CDH18: variants seen among roughly 807,000 people sequenced by gnomAD.
CDH18 encodes the protein cadherin-18.
In CDH18, 31 loss-of-function variants were observed where a neutral mutation model predicts 67.9. That is an observed-to-expected ratio of 0.46 (90% CI 0.34 to 0.62). CDH18 has a LOEUF of 0.62. Ranked by LOEUF, CDH18 falls within the 20% of genes least tolerant of loss-of-function variation. The probability of loss-of-function intolerance (pLI) is 0.01; values close to 1 mark genes in which losing one functional copy is unlikely to be tolerated. For synonymous variants in CDH18, 362 were observed against 347.2 expected (o/e 1.04, Z -0.48); for missense variants, 890 against 975.5 (o/e 0.91, Z 1.17).
intron 2 of CDH18, among the ~76,000 whole-genome samples, chr5:19,977,450 T>G (rs1798603549): frequency 1.3e-5 from 2 of 152,186 alleles, no homozygotes; most frequent in African/African-American, 4.8e-5. Context: ...TTTGTGCCAG[T>G]ATTTCCAACA....
At chr5:20,373,494 T>C (rs1173121065) in intron 1 of CDH18, among the ~76,000 whole-genome samples, 3 of 152,180 alleles carry the variant, frequency 2.0e-5, no homozygotes, top group Non-Finnish European at 4.4e-5. Context: ...GTCATTCTAT[T>C]TAACAAGCAT....
At chr5:20,530,381 A>C (rs981499591) in intron 1 of CDH18, among the ~76,000 whole-genome samples, 4 of 152,064 alleles carry the variant, frequency 2.6e-5, no homozygotes, top group East Asian at 1.9e-4. Context: ...AGAAAAAAAA[A>C]CCTATTTTAA....
chr5:19,921,890 T>A (rs1792520524), intron 2 of CDH18, among the ~76,000 whole-genome samples: 1 of 151,978 alleles, frequency 6.6e-6, no homozygotes, highest in African/African-American at 2.4e-5. Context: ...ACAACCCATA[T>A]AACCAAAGGC....
At chr5:20,382,981 C>A (rs1429739543) in intron 1 of CDH18, among the ~76,000 whole-genome samples, 2 of 152,058 alleles carry the variant, frequency 1.3e-5, no homozygotes, top group Non-Finnish European at 2.9e-5. Flanking sequence ...CTATTAATAA[C>A]CATACTGAGC....
rs909561525 is a variant in CDH18, at chr5:19,514,406, T to A, written c.1512+6251A>T. ...AAATGGTATTTCTATTTCTAGATCC[T>A]TGAGGAATCTCCACACCGTCTTCCA... is the stretch of plus-strand genomic sequence containing the variant. On this transcript the variant is annotated intron_variant, in intron 10 of 12. Coordinates refer to ENST00000382275, the MANE Select transcript of CDH18 (RefSeq NM_004934.5). 6.6e-5 allele frequency among the ~76,000 whole-genome samples: 10 copies of A among 152,314 alleles called. No homozygotes were observed. The East Asian group carries it at 1.9e-3, about 29-fold the overall frequency.
chr5:19,904,673 T>G lies in CDH18; in HGVS notation c.-256-65431A>C, dbSNP rs1579519419. 5.3e-5 allele frequency among the ~76,000 whole-genome samples: 8 copies of G among 152,314 alleles called. No homozygotes were observed. In the South Asian group the frequency reaches 1.7e-3, roughly 32 times the overall value. ...AATGACTACTATATTTGGTGATAGC[T>G]TTTCTCATCTGAAAAACAAGTGTTG... On this transcript the variant is annotated intron_variant, in intron 2 of 12. Coordinates refer to ENST00000382275, the MANE Select transcript of CDH18 (RefSeq NM_004934.5).
intron 2 of CDH18, among the ~76,000 whole-genome samples, chr5:20,078,085 A>C (rs1398879417): frequency 1.3e-5 from 2 of 152,228 alleles, no homozygotes; most frequent in African/African-American, 4.8e-5. Context: ...GAGGCATAAT[A>C]CTTAAAAGTC....
At chr5:19,997,728 G>A (rs546573729) in intron 2 of CDH18, among the ~76,000 whole-genome samples, 1 of 152,260 alleles carries the variant, frequency 6.6e-6, no homozygotes, top group Non-Finnish European at 1.5e-5. Flanking sequence ...ACAATGGTAA[G>A]CTATAGCCTA....
intron 3 of CDH18, among the ~76,000 whole-genome samples, chr5:19,794,081 C>G (rs916456459): frequency 6.6e-6 from 1 of 152,054 alleles, no homozygotes; most frequent in African/African-American, 2.4e-5. Context: ...CAAGATTCAA[C>G]TACAATCTAG....
intron 2 of CDH18, among the ~76,000 whole-genome samples, chr5:20,251,184 C>CT (rs1743830917): frequency 6.6e-6 from 1 of 152,018 alleles, no homozygotes; most frequent in African/African-American, 2.4e-5. Context: ...TACCTACAGA[C>CT]TTAGGGATGG....
At chr5:20,418,117 CG>C (rs1426796992) in intron 1 of CDH18, among the ~76,000 whole-genome samples, 2 of 151,664 alleles carry the variant, frequency 1.3e-5, no homozygotes, top group African/African-American at 4.9e-5. Context: ...TGTTGTCGGC[CG>C]GGGCTGGAGT....
intron 7 of CDH18, among the ~76,000 whole-genome samples, chr5:19,586,388 T>A (rs1744143266): frequency 6.6e-6 from 1 of 152,046 alleles, no homozygotes; most frequent in South Asian, 2.1e-4. Context: ...TAGGCCCGTG[T>A]GTGTTGTTAA....
intron 5 of CDH18, among the ~76,000 whole-genome samples, chr5:19,708,364 T>C (rs1432477097): frequency 6.6e-6 from 1 of 152,108 alleles, no homozygotes; most frequent in Non-Finnish European, 1.5e-5. Flanking sequence ...TGTTTGTCTT[T>C]ATATACTCTG....
At chr5:19,748,926 T>C (rs1177894393) in intron 3 of CDH18, among the ~76,000 whole-genome samples, 1 of 152,032 alleles carries the variant, frequency 6.6e-6, no homozygotes, top group Non-Finnish European at 1.5e-5. Context: ...GATGAAACCA[T>C]TTAAAAATGC....
chr5:19,716,104 T>A (rs1765308491), intron 5 of CDH18, among the ~76,000 whole-genome samples: 1 of 151,988 alleles, frequency 6.6e-6, no homozygotes, highest in Non-Finnish European at 1.5e-5. Flanking sequence ...CAGGCTTGAG[T>A]CACCGCTCCC....
chr5:20,416,624 T>G (rs1424304377), intron 1 of CDH18, among the ~76,000 whole-genome samples: 1 of 152,056 alleles, frequency 6.6e-6, no homozygotes, highest in Admixed American at 6.5e-5. Context: ...GGTAATATTT[T>G]TAGTTATTAA....
chr5:19,675,356 C>T (rs1041201811), intron 5 of CDH18, among the ~76,000 whole-genome samples: 4 of 151,976 alleles, frequency 2.6e-5, no homozygotes, highest in African/African-American at 9.7e-5. Flanking sequence ...TTTCCTAGTC[C>T]TAATAAGCCT....
intron 1 of CDH18, among the ~76,000 whole-genome samples, chr5:20,317,455 C>A (rs1464533208): frequency 2.6e-5 from 4 of 151,956 alleles, no homozygotes; most frequent in African/African-American, 4.8e-5. Flanking sequence ...TGAAGAGAAA[C>A]AATTCAATAT....
chr5:19,579,898 A>ACC (rs150006454), intron 7 of CDH18, among the ~76,000 whole-genome samples: 8,057 of 149,352 alleles, frequency 0.054, 247 homozygotes, highest in Non-Finnish European at 0.072. Context: ...CCTTCAATCC[A>ACC]CCCCCCCCAA....
Sources: gnomAD v4.1 joint callset for allele counts (sites outside exome capture counted in the v4.1 genomes callset) on GRCh38, gnomAD v4.1.1 for gene constraint, MANE v1.5 for transcripts, NCBI Gene and HGNC (gene_info 2026-07-23, HGNC 2026-07-21) for gene names.